Variants in FERMT2 observed in about 807,000 individuals in gnomAD.
FERMT2 encodes fermitin family homolog 2.
A neutral mutation model predicts 82.7 loss-of-function variants in FERMT2; 15 were observed. That is an observed-to-expected ratio of 0.18 (90% CI 0.12 to 0.28). The LOEUF is 0.28. FERMT2 is among the 10% of genes least tolerant of loss of function. FERMT2 has a pLI of 1.00. For synonymous variants in FERMT2, 274 were observed against 271.5 expected (o/e 1.01, Z -0.09); for missense variants, 645 against 809.4 (o/e 0.80, Z 2.46).
chr14:52,858,293 T>C lies in FERMT2; in HGVS notation c.*84A>G. The stretch of plus-strand genomic sequence containing the variant: ...ATGATAAAATGATAAATTTCAAGCT[T>C]ACTTTATTAAGCAGCATATAACAAA... On this transcript the variant is annotated 3_prime_UTR_variant, in exon 15 of 15. Transcript: ENST00000341590. 3 of 1,211,788 alleles carry C rather than the reference T, an allele frequency of 2.5e-6. No homozygotes were observed. Among genetic ancestry groups the C allele is most frequent in the Non-Finnish European group, 2.4e-6 (2 of 844,798 alleles). The allele number at this position is 1,211,788 out of a possible 1,614,324, so 75.1% of individuals were successfully genotyped here.
chr14:52,869,946 A>G (rs73302515), intron 10 of FERMT2, among the ~76,000 whole-genome samples: 2,363 of 152,266 alleles, frequency 0.016, 58 homozygotes, highest in African/African-American at 0.053. Context: ...AGCTAACAAA[A>G]GGTTAAAAAT....
intron 9 of FERMT2, 89 bp downstream of exon 9, chr14:52,874,088 G>C: frequency 1.2e-6 from 1 of 801,586 alleles, no homozygotes; most frequent in Non-Finnish European, 1.9e-6. Context: ...GCGTTTGTTA[G>C]TCAAACTTAA....
At chr14:52,947,235 T>G (rs1418208990) in intron 2 of FERMT2, among the ~76,000 whole-genome samples, 1 of 152,164 alleles carries the variant, frequency 6.6e-6, no homozygotes, top group African/African-American at 2.4e-5. Context: ...ATCTCAACAC[T>G]TTGGGAGGCC....
chr14:52,907,975 G>C (rs1380608053), intron 3 of FERMT2, among the ~76,000 whole-genome samples: 1 of 152,164 alleles, frequency 6.6e-6, no homozygotes, highest in East Asian at 1.9e-4. Context: ...CCATATCTGG[G>C]ATATGCAAAG....
At chr14:52,941,234 T>G (rs1890075952) in intron 2 of FERMT2, among the ~76,000 whole-genome samples, 1 of 152,200 alleles carries the variant, frequency 6.6e-6, no homozygotes. Flanking sequence ...ATGGTTCCAT[T>G]TGCAGGCCAT....
chr14:52,945,267 G>C (rs375728810), intron 2 of FERMT2, among the ~76,000 whole-genome samples: 4 of 151,486 alleles, frequency 2.6e-5, no homozygotes, highest in Non-Finnish European at 5.9e-5. Context: ...GGTTGGGGGC[G>C]GGGGGACGGA....
intron 2 of FERMT2, among the ~76,000 whole-genome samples, chr14:52,949,354 T>C (rs1320396111): frequency 6.8e-6 from 1 of 146,844 alleles, no homozygotes; most frequent in African/African-American, 2.5e-5. Context: ...TTTCCCAGTG[T>C]AGCTTGAAAA....
intron 14 of FERMT2, 122 bp from the exon 15 acceptor site, chr14:52,858,672 AGTCT>A (rs1307695721): frequency 1.9e-5 from 16 of 862,092 alleles, no homozygotes; most frequent in Admixed American, 2.6e-5. Flanking sequence ...TCAAATGATC[AGTCT>A]GTCTAAAACC....
intron 10 of FERMT2, among the ~76,000 whole-genome samples, chr14:52,869,212 T>C (rs1438247883): frequency 6.6e-6 from 1 of 152,114 alleles, no homozygotes; most frequent in East Asian, 1.9e-4. Flanking sequence ...CGCCCGTGAC[T>C]GAGAGAGGAA....
chr14:52,874,235 G>C lies in FERMT2; in HGVS notation c.1099-9C>G, dbSNP rs766610864. The C allele has an allele frequency of 3.8e-6, 6 of 1,560,342 alleles. No individual in the cohort carries two copies. In the African/African-American group the frequency reaches 5.5e-5, roughly 14 times the overall value. On this transcript the variant is annotated splice_polypyrimidine_tract_variant and intron_variant, in intron 8 of 14. Coordinates refer to ENST00000341590, the MANE Select transcript of FERMT2 (RefSeq NM_006832.3). The stretch of plus-strand genomic sequence containing the variant: ...ATGGAAGTAATGTCACCCTAGGAGA[G>C]AGTTAAATCCTTTTTTAATTTTTTT...
chr14:52,906,105 G>A (rs965214517), intron 3 of FERMT2, among the ~76,000 whole-genome samples: 1 of 152,204 alleles, frequency 6.6e-6, no homozygotes, highest in Non-Finnish European at 1.5e-5. Flanking sequence ...GCAGGGGAGG[G>A]GCGCATGGGG....
intron 2 of FERMT2, among the ~76,000 whole-genome samples, chr14:52,939,668 T>C (rs1056651068): frequency 6.6e-6 from 1 of 152,178 alleles, no homozygotes; most frequent in African/African-American, 2.4e-5. Context: ...ATACAGCTAG[T>C]ATATGGTCAA....
intron 2 of FERMT2, among the ~76,000 whole-genome samples, chr14:52,929,329 G>A (rs553131805): frequency 6.6e-6 from 1 of 152,226 alleles, no homozygotes; most frequent in South Asian, 2.1e-4. Flanking sequence ...CTCTTGCACT[G>A]ACTACTGCCA....
At chr14:52,863,741 T>G (rs192656508) in intron 12 of FERMT2, 1 of 152,320 alleles carries the variant, frequency 6.6e-6, no homozygotes, top group East Asian at 1.9e-4. Flanking sequence ...TAAAGTTTCT[T>G]TCTAAAGCTG....
intron 2 of FERMT2, among the ~76,000 whole-genome samples, chr14:52,936,892 T>C (rs1236113255): frequency 2.0e-5 from 3 of 152,088 alleles, no homozygotes; most frequent in Admixed American, 1.3e-4. Context: ...CAGTGGCTCA[T>C]GCTTGTAATC....
Position 52,881,413 on chromosome 14 carries a change from C to T in FERMT2, c.583G>A (p.Ala195Thr). 2.5e-6 allele frequency: 4 copies of T among 1,613,942 alleles called. No homozygotes were observed. Among genetic ancestry groups the T allele is most frequent in the Non-Finnish European group, 3.4e-6 (4 of 1,179,990 alleles). The change falls in exon 5 of 15, where the codon GCT becomes ACT. Residue 195 changes from alanine to threonine, a missense_variant. Ala to Thr is a moderately conservative substitution (Grantham distance 58). Transcript: ENST00000341590. ...YSKTMTPTYD[A>T]HDGSPLSPTS... ...GGTGACAAGGGGCTTCCATCATGAG[C>T]ATCATAAGTGGGGGTCATTGTTTTA...
intron 2 of FERMT2, among the ~76,000 whole-genome samples, chr14:52,947,348 G>C (rs1344369634): frequency 6.6e-6 from 1 of 152,078 alleles, no homozygotes; most frequent in Admixed American, 6.6e-5. Context: ...GCATGGTGGC[G>C]GGTGTCTGTA....
At chr14:52,917,987 T>C (rs181646074) in intron 3 of FERMT2, among the ~76,000 whole-genome samples, 196 of 152,344 alleles carry the variant, frequency 1.3e-3, no homozygotes, top group Non-Finnish European at 2.3e-3. Context: ...GCAAGGAAGA[T>C]TGGGTACTCT....
intron 2 of FERMT2, among the ~76,000 whole-genome samples, chr14:52,929,725 T>C (rs1889474882): frequency 6.6e-6 from 1 of 152,190 alleles, no homozygotes; most frequent in Admixed American, 6.5e-5. Flanking sequence ...TTAGCTACCC[T>C]AGCCCTCCAA....
Sources: gnomAD v4.1 joint callset for allele counts (sites outside exome capture counted in the v4.1 genomes callset) on GRCh38, gnomAD v4.1.1 for gene constraint, MANE v1.5 for transcripts, NCBI Gene and HGNC (gene_info 2026-07-23, HGNC 2026-07-21) for gene names.